The following DMAC2L variants were observed in gnomAD, a reference collection of about 807,000 sequenced individuals.
DMAC2L encodes ATP synthase subunit s, mitochondrial.
In DMAC2L, 21 loss-of-function variants were observed where a neutral mutation model predicts 22.5. That is an observed-to-expected ratio of 0.93 (90% CI 0.66 to 1.34). The LOEUF is 1.34. DMAC2L is among the 40% of genes most tolerant of loss of function. The pLI, the probability that DMAC2L is intolerant of heterozygous loss-of-function variation, is 0.00. For missense variants in DMAC2L, 239 were observed against 246.5 expected, an observed-to-expected ratio of 0.97 and a Z score of 0.20; for synonymous variants, 86 against 89.5, an observed-to-expected ratio of 0.96 and a Z score of 0.22.
At chr14:50,321,767 A>G (rs1373640453) in intron 3 of DMAC2L, among the ~76,000 whole-genome samples, 173 bp downstream of exon 3, 1 of 152,248 alleles carries the variant, frequency 6.6e-6, no homozygotes, top group Non-Finnish European at 1.5e-5. Context: ...AAAACAGATT[A>G]CAAAATATTA....
upstream of DMAC2L, chr14:50,311,537 G>C (rs913581736): frequency 2.2e-6 from 1 of 449,406 alleles, no homozygotes; most frequent in Admixed American, 2.4e-5. Flanking sequence ...AGCTGCCTCC[G>C]ACGGGGGCAA....
At chr14:50,312,925 G>C in intron 1 of DMAC2L, 2 of 1,422,876 alleles carry the variant, frequency 1.4e-6, no homozygotes, top group South Asian at 2.3e-5. Context: ...TACTCGACCC[G>C]GCACTGGGTA....
chr14:50,325,581 T>C (rs758957222), intron 5 of DMAC2L, 28 bp from the exon 6 acceptor site: 2 of 1,573,736 alleles, frequency 1.3e-6, no homozygotes, highest in African/African-American at 1.4e-5. Flanking sequence ...CTTGGCCAAA[T>C]TGAAGTGACT....
At chr14:50,311,991 G>A, upstream of DMAC2L, 1 of 1,551,844 alleles carries the variant, frequency 6.4e-7, no homozygotes, top group Non-Finnish European at 8.7e-7. Context: ...AGGCGGCGGG[G>A]AGGACCAGCG....
upstream of DMAC2L, chr14:50,312,257 G>C: frequency 1.3e-6 from 2 of 1,497,800 alleles, no homozygotes; most frequent in Non-Finnish European, 1.8e-6. Context: ...GGCCAATGAA[G>C]TGGCGCGCCT....
intron 5 of DMAC2L, chr14:50,324,404 T>G: frequency 5.3e-6 from 1 of 187,448 alleles, no homozygotes; most frequent in Non-Finnish European, 1.1e-5. Context: ...ACGATTATGC[T>G]TTCTCTCCTT....
chr14:50,326,008 T>C lies in DMAC2L; in HGVS notation c.*285T>C, dbSNP rs185911677. On this transcript the variant is annotated 3_prime_UTR_variant, in exon 6 of 6. Coordinates refer to ENST00000557421, the MANE Select transcript of DMAC2L (RefSeq NM_001382507.1). ...ACTTTGGGAGGCCAAAGCGGGCAGA[T>C]CACCTGAGGTCAGGAGTTCAAGACC... 1.7e-5 allele frequency: 14 copies of C among 848,394 alleles called. No homozygotes were observed. In the African/African-American group the frequency reaches 2.6e-4, roughly 16 times the overall value. 52.6% of individuals were successfully genotyped at this position (848,394 alleles called of 1,614,324 possible).
Position 50,321,594 on chromosome 14 carries a change from A to T in DMAC2L, c.107A>T (p.Lys36Met), listed in dbSNP as rs1452169715. The T allele has an allele frequency of 6.2e-7, 1 of 1,603,216 alleles. No individual in the cohort carries two copies. The highest frequency in any genetic ancestry group is 8.5e-7 in the Non-Finnish European group (1 of 1,170,306). The change falls in exon 3 of 6, where the codon AAG becomes ATG. Residue 36 changes from lysine to methionine, a missense_variant and splice_region_variant. Physicochemically the swap from Lys to Met is moderately conservative, Grantham distance 95. Coordinates refer to ENST00000557421, the MANE Select transcript of DMAC2L (RefSeq NM_001382507.1). ...GGCTGGTTGAATGCAGTGTTTAATA[A>T]GTAAGTTACTCTAAATAAAGTGAAG... ...FWGWLNAVFN[K>M]VDYDRIRDVG...
chr14:50,312,966 A>G, intron 1 of DMAC2L: 1 of 1,612,586 alleles, frequency 6.2e-7, no homozygotes, highest in Non-Finnish European at 8.5e-7. Context: ...GGTTTTTGCC[A>G]CCATTTATAA....
chr14:50,312,699 G>A (rs1020527793), intron 1 of DMAC2L: 23 of 365,614 alleles, frequency 6.3e-5, no homozygotes, highest in Admixed American at 1.4e-4. Context: ...TAGACGGAGG[G>A]CCTGGGCACC....
At chr14:50,313,340 C>A (rs2031435472) in intron 1 of DMAC2L, among the ~76,000 whole-genome samples, 1 of 152,158 alleles carries the variant, frequency 6.6e-6, no homozygotes, top group Non-Finnish European at 1.5e-5. Context: ...TTGCCTCAGA[C>A]CCTCCTCAGT....
At chr14:50,313,196 T>A in intron 1 of DMAC2L, 1 of 722,470 alleles carries the variant, frequency 1.4e-6, no homozygotes, top group Non-Finnish European at 2.4e-6. Context: ...TGGCAGTTTT[T>A]AATTTTTAGG....
intron 1 of DMAC2L, chr14:50,312,973 A>G (rs201504821): frequency 1.2e-4 from 196 of 1,613,602 alleles, no homozygotes; most frequent in Non-Finnish European, 1.5e-4. Context: ...GCCACCATTT[A>G]TAAGTCTGTG....
At chr14:50,318,132 G>A (rs2031966395) in intron 2 of DMAC2L, among the ~76,000 whole-genome samples, 2 of 152,174 alleles carry the variant, frequency 1.3e-5, no homozygotes, top group Non-Finnish European at 2.9e-5. Flanking sequence ...CAGTAATTTA[G>A]TAGTGGTTAT....
chr14:50,313,681 T>A (rs2031481192), intron 1 of DMAC2L, among the ~76,000 whole-genome samples: 1 of 152,232 alleles, frequency 6.6e-6, no homozygotes, highest in African/African-American at 2.4e-5. Context: ...GCAAAACTAG[T>A]ACCATATCAC....
chr14:50,324,039 A>G lies in DMAC2L; in HGVS notation c.411A>G (p.Gln137=), dbSNP rs757313184. 1 of 1,614,194 alleles carries G rather than the reference A, an allele frequency of 6.2e-7. No individual in the cohort carries two copies. The change falls in exon 5 of 6, where the codon CAA becomes CAG. Residue 137 remains glutamine (Q), a synonymous_variant. Transcript: ENST00000557421. ...GACTTAGTCAACTTGAAAATTTACA[A>G]AAAACCATATTGGAAATGGAAATAA... ...LLRLSQLENL[Q]KTILEMEIIS... is the part of the protein sequence containing the mutation.
In DMAC2L at chr14:50,312,379, C is replaced by T. The variant is rs979941176; in HGVS notation, c.-52C>T. On this transcript the variant is annotated 5_prime_UTR_variant, in exon 1 of 6. Transcript: ENST00000557421. ...CGCTGGCTCGCTCCCTCCCTCCCTC[C>T]CTCCGACGCTGTGAGTAGAGAAGCT... is the stretch of plus-strand genomic sequence containing the variant. 4 of 606,202 alleles carry T rather than the reference C, an allele frequency of 6.6e-6. No individual in the cohort carries two copies. Among genetic ancestry groups the T allele is most frequent in the East Asian group, 5.7e-5 (2 of 35,092 alleles). The allele number at this position is 606,202 out of a possible 1,614,324, so 37.6% of individuals were successfully genotyped here. A position where few individuals can be genotyped will look rare whatever the true frequency, so the allele number is the denominator to read the frequency against.
intron 2 of DMAC2L, among the ~76,000 whole-genome samples, chr14:50,320,466 C>G (rs2032175950): frequency 6.6e-6 from 1 of 152,156 alleles, no homozygotes; most frequent in Non-Finnish European, 1.5e-5. Flanking sequence ...ACTTCACGAC[C>G]TGACTGTGCA....
intron 2 of DMAC2L, among the ~76,000 whole-genome samples, chr14:50,315,478 A>G (rs2031701052): frequency 6.6e-6 from 1 of 151,162 alleles, no homozygotes; most frequent in Non-Finnish European, 1.5e-5. Flanking sequence ...CTTGGTCAAC[A>G]TGGTGAAACC....
Sources: allele counts gnomAD v4.1 joint callset (sites outside exome capture counted in the v4.1 genomes callset), GRCh38; gene constraint gnomAD v4.1.1; transcripts MANE v1.5; gene names NCBI Gene and HGNC (gene_info 2026-07-23, HGNC 2026-07-21).